FUT8: variants seen among roughly 807,000 people sequenced by gnomAD.
FUT8 encodes fucosyltransferase 8.
A neutral mutation model predicts 71.3 loss-of-function variants in FUT8; 29 were observed. The observed-to-expected ratio is 0.41, with a 90% CI of 0.30 to 0.55. FUT8 has a LOEUF of 0.55. Ranked by LOEUF, FUT8 falls within the 20% of genes least tolerant of loss-of-function variation. FUT8 has a pLI of 0.34. For missense variants in FUT8, 544 were observed against 702.1 expected, an observed-to-expected ratio of 0.77 and a Z score of 2.55; for synonymous variants, 254 against 239.3, an observed-to-expected ratio of 1.06 and a Z score of -0.57.
chr14:65,713,260 G>A (rs553143146), intron 7 of FUT8, among the ~76,000 whole-genome samples: 18 of 152,306 alleles, frequency 1.2e-4, no homozygotes, highest in African/African-American at 3.8e-4. Flanking sequence ...TGGCTGAATA[G>A]TACTACATTG....
intron 1 of FUT8, among the ~76,000 whole-genome samples, chr14:65,437,734 A>G (rs2065582826): frequency 6.6e-6 from 1 of 152,230 alleles, no homozygotes; most frequent in South Asian, 2.1e-4. Flanking sequence ...AGTGATTACA[A>G]TAAAATCCTT....
At chr14:65,668,921 A>G (rs1212318382) in intron 6 of FUT8, among the ~76,000 whole-genome samples, 3 of 152,202 alleles carry the variant, frequency 2.0e-5, no homozygotes, top group Non-Finnish European at 4.4e-5. Flanking sequence ...AAGCAAACTA[A>G]TGCAGGAACA....
At chr14:65,470,295 C>T (rs192531574) in intron 2 of FUT8, among the ~76,000 whole-genome samples, 11 of 152,324 alleles carry the variant, frequency 7.2e-5, no homozygotes, top group Non-Finnish European at 1.3e-4. Context: ...CAAGAGCACA[C>T]GGAGGCCTGG....
At chr14:65,501,530 G>T (rs1325777610) in intron 2 of FUT8, among the ~76,000 whole-genome samples, 2 of 152,166 alleles carry the variant, frequency 1.3e-5, no homozygotes, top group Admixed American at 6.5e-5. Flanking sequence ...GATCTATGCT[G>T]GGCAATGCTG....
chr14:65,703,111 AG>A (rs1894390819), intron 7 of FUT8, among the ~76,000 whole-genome samples: 1 of 152,226 alleles, frequency 6.6e-6, no homozygotes, highest in Non-Finnish European at 1.5e-5. Context: ...TGTAAATTCT[AG>A]TCCAAGTTCT....
chr14:65,554,457 A>G (rs1038649304), intron 2 of FUT8, among the ~76,000 whole-genome samples: 2 of 147,390 alleles, frequency 1.4e-5, no homozygotes, highest in South Asian at 4.2e-4. Flanking sequence ...TTATATCTAT[A>G]GATCTATATC....
chr14:65,435,464 A>G (rs1261984783), intron 1 of FUT8, among the ~76,000 whole-genome samples: 1 of 152,154 alleles, frequency 6.6e-6, no homozygotes, highest in Non-Finnish European at 1.5e-5. Context: ...GCTGAGTAGT[A>G]ATCTGTGGTA....
chr14:65,641,010 C>G (rs1234923801), intron 6 of FUT8, among the ~76,000 whole-genome samples: 1 of 151,984 alleles, frequency 6.6e-6, no homozygotes, highest in Non-Finnish European at 1.5e-5. Flanking sequence ...CTTCTACAGC[C>G]TTATTGAGAT....
intron 7 of FUT8, among the ~76,000 whole-genome samples, chr14:65,670,915 C>G (rs1594882057): frequency 6.6e-6 from 1 of 152,234 alleles, no homozygotes; most frequent in African/African-American, 2.4e-5. Flanking sequence ...TAACTCACTT[C>G]AGATTTTAAG....
Position 65,716,812 on chromosome 14 carries a change from G to A in FUT8, c.836-4963G>A, listed in dbSNP as rs576028177. Among the ~76,000 whole-genome samples the A allele has an allele frequency of 3.5e-3, 524 of 150,178 alleles. 2 individuals carry two copies. The highest frequency in any genetic ancestry group is 0.012 in the African/African-American group (491 of 40,832). ...CAGAGGCACTCCTCACTTCCCAGAC[G>A]GGGCGGCCGGGCAGAGGCGCTCCTC... On this transcript the variant is annotated intron_variant, in intron 7 of 10. Coordinates refer to ENST00000673929, the MANE Select transcript of FUT8 (RefSeq NM_001371533.1).
intron 8 of FUT8, among the ~76,000 whole-genome samples, chr14:65,723,296 A>G (rs933038534): frequency 6.6e-6 from 1 of 151,776 alleles, no homozygotes; most frequent in African/African-American, 2.4e-5. Flanking sequence ...CTGCACTCCA[A>G]TGTGTGCAAC....
intron 5 of FUT8, among the ~76,000 whole-genome samples, chr14:65,616,825 G>T (rs1266887293): frequency 6.6e-6 from 1 of 151,972 alleles, no homozygotes; most frequent in Non-Finnish European, 1.5e-5. Context: ...AGGTTAACAG[G>T]ATTTTTTTTT....
At chr14:65,602,341 T>TCACA (rs1279690439) in intron 3 of FUT8, among the ~76,000 whole-genome samples, 43 of 50,066 alleles carry the variant, frequency 8.6e-4, no homozygotes, top group South Asian at 2.3e-3. Flanking sequence ...GCGTTCCATC[T>TCACA]CTCACACACA....
rs118003750 is a variant in FUT8, at chr14:65,698,619, C to T, written c.836-23156C>T. Among the ~76,000 whole-genome samples the T allele has an allele frequency of 4.2e-3, 635 of 152,172 alleles. 4 individuals are homozygous for T. Among genetic ancestry groups the T allele is most frequent in the East Asian group, 0.035 (182 of 5,182 alleles). On this transcript the variant is annotated intron_variant, in intron 7 of 10. Transcript: ENST00000673929. ...CCTGAGTAATATTAACGTTTTGCATCGTAAAGTAATAAAACTGTGGCATTT... is the reference window on the plus strand; with the variant it reads ...CCTGAGTAATATTAACGTTTTGCATTGTAAAGTAATAAAACTGTGGCATTT...
chr14:65,693,380 G>C (rs1477446998), intron 7 of FUT8, among the ~76,000 whole-genome samples: 1 of 152,216 alleles, frequency 6.6e-6, no homozygotes, highest in African/African-American at 2.4e-5. Context: ...GGCGGCGCGC[G>C]CCTGCAATCG....
At chr14:65,397,712 CT>C in the FUT8 span, among the ~76,000 whole-genome samples, 1 of 152,264 alleles carries the variant, frequency 6.6e-6, no homozygotes. This position sits in a 1 kb window ranked among gnomAD's most constrained non-coding sequence, Gnocchi z 4.2. Flanking sequence ...CTCCAGCCAC[CT>C]GTGATCCTGA....
chr14:65,733,959 GT>G (rs1157914704), intron 10 of FUT8, among the ~76,000 whole-genome samples: 1 of 152,152 alleles, frequency 6.6e-6, no homozygotes, highest in East Asian at 1.9e-4. Context: ...TGGGTTTGGT[GT>G]ATGTGTTTTT....
chr14:65,700,867 C>G (rs140558585), intron 7 of FUT8, among the ~76,000 whole-genome samples: 1 of 152,308 alleles, frequency 6.6e-6, no homozygotes, highest in Non-Finnish European at 1.5e-5. Flanking sequence ...GGGATCACCA[C>G]TCTTTTAAAT....
At chr14:65,505,696 A>G (rs2066721175) in intron 2 of FUT8, among the ~76,000 whole-genome samples, 1 of 152,110 alleles carries the variant, frequency 6.6e-6, no homozygotes, top group Non-Finnish European at 1.5e-5. Context: ...GAAAATTAAG[A>G]GTGGAACTTT....
Sources: allele counts gnomAD v4.1 joint callset (sites outside exome capture counted in the v4.1 genomes callset), GRCh38; gene constraint gnomAD v4.1.1; non-coding constraint Gnocchi (gnomAD v3.1); transcripts MANE v1.5; gene names NCBI Gene and HGNC (gene_info 2026-07-23, HGNC 2026-07-21).